Variants in TYK2 observed in about 807,000 individuals in gnomAD.
TYK2 encodes non-receptor tyrosine-protein kinase TYK2.
Under a neutral mutation model 130.9 loss-of-function variants are expected in TYK2, and 65 were observed. The observed-to-expected ratio is 0.50, with a 90% CI of 0.41 to 0.61. The LOEUF is 0.61. Among genes scored for constraint, TYK2 ranks in the 20% least tolerant of loss-of-function variants. The pLI is 0.00. For missense variants in TYK2, 1,378 were observed against 1,610.7 expected (o/e 0.86, Z 2.47); for synonymous variants, 647 against 658.9 (o/e 0.98, Z 0.28).
At chr19:10,351,454 TC>T in intron 23 of TYK2, 1 of 374,240 alleles carries the variant, frequency 2.7e-6, no homozygotes, top group East Asian at 6.3e-5. Context: ...GCCATTGCAC[TC>T]CAGCCTGGGA....
intron 3 of TYK2, 53 bp downstream of exon 3, chr19:10,378,161 C>A: frequency 6.3e-7 from 1 of 1,588,170 alleles, no homozygotes; most frequent in Non-Finnish European, 8.6e-7. Flanking sequence ...TGGGGCCCAG[C>A]TGCTGCTTGC....
Position 10,352,528 on chromosome 19 carries a change from T to G in TYK2, c.3224A>C (p.Glu1075Ala). The G allele has an allele frequency of 1.9e-6, 3 of 1,553,884 alleles. No individual in the cohort carries two copies. The highest frequency in any genetic ancestry group is 2.6e-6 in the Non-Finnish European group (3 of 1,144,702). The stretch of plus-strand genomic sequence containing the variant: ...ATCTGACGCATAGTAGAACTTATAC[T>G]CCTTCAGGCACTCTGGGGCATACCT... ...VFWYAPECLK[E>A]YKFYYASDVW... Residue 1075 changes from glutamate (E) to alanine (A), a missense_variant, in exon 23 of 25, where the codon GAG (glutamate) becomes GCG (alanine). By Grantham distance (107) the Glu-to-Ala change is moderately radical. Coordinates refer to ENST00000525621, the MANE Select transcript of TYK2 (RefSeq NM_003331.5).
Position 10,362,623 on chromosome 19 carries a change from C to T in TYK2, c.1402G>A (p.Asp468Asn). ...PFVQAKLRPE[D>N]GLYLIHWSTS... is the part of the protein sequence containing the mutation. ...CTCCAGTGAATGAGGTACAGGCCGTCCTCGGGCCGCAGCTTGGCCTGCACA... is the reference window on the plus strand; with the variant it reads ...CTCCAGTGAATGAGGTACAGGCCGTTCTCGGGCCGCAGCTTGGCCTGCACA... Residue 468 changes from aspartate to asparagine, a missense_variant, in exon 10 of 25, where the codon GAC becomes AAC. Physicochemically the swap from Asp to Asn is conservative, Grantham distance 23 (BLOSUM62 1). Coordinates refer to ENST00000525621, the MANE Select transcript of TYK2 (RefSeq NM_003331.5). 1 of 1,552,134 alleles carries T rather than the reference C, an allele frequency of 6.4e-7. No individual in the cohort carries two copies. The highest frequency in any genetic ancestry group is 8.7e-7 in the Non-Finnish European group (1 of 1,147,218).
At position 10,357,911 on chromosome 19, in the gene TYK2, C is replaced by T. The variant is rs1453957454; in HGVS notation, c.2319G>A (p.Val773=). 1.2e-6 allele frequency: 2 copies of T among 1,613,430 alleles called. No individual in the cohort carries two copies. The highest frequency in any genetic ancestry group is 1.7e-6 in the Non-Finnish European group (2 of 1,180,048). The change falls in exon 17 of 25, where the codon GTG becomes GTA. Residue 773 remains valine, a synonymous_variant. Coordinates refer to ENST00000525621, the MANE Select transcript of TYK2 (RefSeq NM_003331.5). The part of the protein sequence containing the change: ...GLGALSREER[V]ERIPWLAPEC... ...CGGGGGCCAGCCAGGGGATCCTCTCCACCCGCTCTGGGAGGCCAAGGTCAG... is the reference window on the plus strand; with the variant it reads ...CGGGGGCCAGCCAGGGGATCCTCTCTACCCGCTCTGGGAGGCCAAGGTCAG...
chr19:10,362,347 A>T lies in TYK2; in HGVS notation c.1586T>A (p.Leu529His). ...WGRSFPSVRE[L>H]GAALQGCLLR... ...CAAGCAGCCCTGCAAGGCAGCCCCA[A>T]GTTCCCGAACGCTGGGGAAGGACCG... is the stretch of plus-strand genomic sequence containing the variant. The change falls in exon 11 of 25, where the codon CTT (leucine) becomes CAT (histidine). Residue 529 changes from leucine (L) to histidine (H), a missense_variant. Leu to His is a moderately conservative substitution (Grantham distance 99). Transcript: ENST00000525621. 1 of 1,614,150 alleles carries T rather than the reference A, an allele frequency of 6.2e-7. No homozygotes were observed.
At position 10,362,067 on chromosome 19, in the gene TYK2, C is replaced by T. The variant is rs1418612218; in HGVS notation, c.1773+11G>A. 1.2e-6 allele frequency: 2 copies of T among 1,613,880 alleles called. No individual in the cohort carries two copies. Among genetic ancestry groups the T allele is most frequent in the Non-Finnish European group, 1.7e-6 (2 of 1,179,928 alleles). Reference sequence around the variant, plus strand: ...CCCTGCCCTTGCCCCGGGCCCCTTCCCTGCACCCACCTGGGTGATCTCCTT... The same window carrying T: ...CCCTGCCCTTGCCCCGGGCCCCTTCTCTGCACCCACCTGGGTGATCTCCTT... On this transcript the variant is annotated intron_variant, in intron 12 of 24. Transcript: ENST00000525621.
chr19:10,365,997 C>T, intron 6 of TYK2, 99 bp from the exon 7 acceptor site: 1 of 1,311,944 alleles, frequency 7.6e-7, no homozygotes, highest in Non-Finnish European at 1.0e-6. Context: ...GCCTCAGCTG[C>T]CTCATCTGGA....
At position 10,353,790 on chromosome 19, in the gene TYK2, A is replaced by C. The variant is rs920797604; in HGVS notation, c.2909-144T>G. 1 of 691,600 alleles carries C rather than the reference A, an allele frequency of 1.4e-6. No individual in the cohort carries two copies. Among genetic ancestry groups the C allele is most frequent in the Non-Finnish European group, 2.4e-6 (1 of 418,548 alleles). The allele number at this position is 691,600 out of a possible 1,614,324, so 42.8% of individuals were successfully genotyped here. A position where few individuals can be genotyped will look rare whatever the true frequency, so the allele number is the denominator to read the frequency against. The stretch of plus-strand genomic sequence containing the variant: ...TAGACCCAGTTCTCAGGTGGGATGG[A>C]CCCATCCAGAACCCCATTCTCACTT... On this transcript the variant is annotated intron_variant, in intron 20 of 24. Coordinates refer to ENST00000525621, the MANE Select transcript of TYK2 (RefSeq NM_003331.5). The surrounding 1 kb of genome is among the most constrained non-coding windows in gnomAD (Gnocchi z 6.9).
In TYK2 at chr19:10,361,832, G is replaced by C. The variant is rs772558245; in HGVS notation, c.1897C>G (p.Arg633Gly). 1.9e-6 allele frequency: 3 copies of C among 1,613,912 alleles called. No homozygotes were observed. The highest frequency in any genetic ancestry group is 1.1e-5 in the South Asian group (1 of 91,078). ...DEDPLVPGRD[R>G]GQELRVVLKV... ...AGCACCACTCGTAGCTCCTGCCCAC[G>C]GTCCCTGCCAGGCACGAGGGGGTCC... The change falls in exon 13 of 25, where the codon CGT (arginine) becomes GGT (glycine). Residue 633 changes from arginine to glycine, a missense_variant. Coordinates refer to ENST00000525621, the MANE Select transcript of TYK2 (RefSeq NM_003331.5). The surrounding 1 kb of genome is among the most constrained non-coding windows in gnomAD (Gnocchi z 4.0).
At chr19:10,357,959 C>T (rs1351031785) in intron 16 of TYK2, 41 bp from the exon 17 acceptor site, 1 of 1,613,362 alleles carries the variant, frequency 6.2e-7, no homozygotes, top group Non-Finnish European at 8.5e-7. Context: ...GTGAAAGGAG[C>T]AGGGGAAGCC....
intron 14 of TYK2, among the ~76,000 whole-genome samples, chr19:10,359,906 C>A (rs12720286): frequency 0.021 from 3,135 of 152,054 alleles, 111 homozygotes; most frequent in African/African-American, 0.071. Context: ...GTAGTCCCAG[C>A]TACTTGGGAG....
At chr19:10,374,600 A>AG (rs2042045406) in intron 3 of TYK2, among the ~76,000 whole-genome samples, 1 of 149,594 alleles carries the variant, frequency 6.7e-6, no homozygotes, top group African/African-American at 2.5e-5. Flanking sequence ...AAAAAAAAAA[A>AG]AAAAAAGCCG....
In TYK2 at chr19:10,368,108, C is replaced by T; in HGVS notation, c.412G>A (p.Ala138Thr). The T allele has an allele frequency of 6.2e-7, 1 of 1,614,146 alleles. No homozygotes were observed. Among genetic ancestry groups the T allele is most frequent in the Non-Finnish European group, 8.5e-7 (1 of 1,180,032 alleles). Residue 138 changes from alanine to threonine, a missense_variant, in exon 5 of 25, where the codon GCA becomes ACA. Transcript: ENST00000525621. The part of the protein sequence containing the change: ...PGTEASSDQT[A>T]QGMQLLDPAS... ...GGGTCCAGGAGTTGCATCCCCTGTG[C>T]TGTCTGATCTGAGGATGCCTCGGTT...
At chr19:10,352,697 T>G (rs937747970) in intron 22 of TYK2, 146 bp from the exon 23 acceptor site, 9 of 723,718 alleles carry the variant, frequency 1.2e-5, no homozygotes, top group Middle Eastern at 3.3e-4. Flanking sequence ...CGGGGTGATA[T>G]GCTCATTGGC....
chr19:10,366,937 C>G (rs280524), intron 5 of TYK2, among the ~76,000 whole-genome samples: 139,401 of 151,714 alleles, frequency 0.92, 64,238 homozygotes, highest in East Asian at 1. Context: ...CCAGCTACTC[C>G]GGAGGCTGAG....
At position 10,354,209 on chromosome 19, in the gene TYK2, T is replaced by C. The variant is rs778049174; in HGVS notation, c.2741A>G (p.Tyr914Cys). Residue 914 changes from tyrosine (Y) to cysteine (C), a missense_variant, in exon 20 of 25, where the codon TAC becomes TGC. Transcript: ENST00000525621. ...GCCGTCGTTGGTCGGATCGTAGCAGTACAAGCTGACCTTGCCGAAGTGACC... is the reference window on the plus strand; with the variant it reads ...GCCGTCGTTGGTCGGATCGTAGCAGCACAAGCTGACCTTGCCGAAGTGACC... ...GEGHFGKVSL[Y>C]CYDPTNDGTG... The C allele has an allele frequency of 6.2e-7, 1 of 1,613,334 alleles. No individual in the cohort carries two copies. Among genetic ancestry groups the C allele is most frequent in the Non-Finnish European group, 8.5e-7 (1 of 1,180,020 alleles).
intron 3 of TYK2, among the ~76,000 whole-genome samples, chr19:10,373,504 T>C (rs1434065775): frequency 2.0e-5 from 3 of 152,076 alleles, no homozygotes; most frequent in Non-Finnish European, 4.4e-5. Context: ...CTAATTTTTA[T>C]ATTTTTAGTA....
At chr19:10,374,005 A>G (rs909228187) in intron 3 of TYK2, among the ~76,000 whole-genome samples, 13 of 152,168 alleles carry the variant, frequency 8.5e-5, no homozygotes, top group African/African-American at 2.9e-4. Context: ...AGTGGCTCAC[A>G]CCTGTAATCC....
intron 19 of TYK2, 79 bp from the exon 20 acceptor site, chr19:10,354,313 TC>T: frequency 3.9e-6 from 6 of 1,543,852 alleles, no homozygotes; most frequent in Non-Finnish European, 5.3e-6. Context: ...CCCGGGCCAC[TC>T]CTCCAGGCAG....
Sources: gnomAD v4.1 joint callset for allele counts (sites outside exome capture counted in the v4.1 genomes callset) on GRCh38, gnomAD v4.1.1 for gene constraint, Gnocchi (gnomAD v3.1) non-coding constraint, MANE v1.5 for transcripts, NCBI Gene and HGNC (gene_info 2026-07-23, HGNC 2026-07-21) for gene names.